The following TWF2 variants were observed in gnomAD, a reference collection of about 807,000 sequenced individuals.
TWF2 encodes twinfilin-2.
In TWF2, 15 loss-of-function variants were observed where a neutral mutation model predicts 45.1. The observed-to-expected ratio is 0.33, with a 90% CI of 0.22 to 0.51. The LOEUF is 0.51. TWF2 is among the 20% of genes least tolerant of loss of function. TWF2 has a pLI of 0.97. For missense variants in TWF2, 423 were observed against 469.1 expected (o/e 0.90, Z 0.91); for synonymous variants, 177 against 195.8 (o/e 0.90, Z 0.80).
intron 1 of TWF2, among the ~76,000 whole-genome samples, chr3:52,238,367 G>C (rs1158343997): frequency 6.6e-6 from 1 of 152,194 alleles, no homozygotes; most frequent in South Asian, 2.1e-4. Context: ...CCTGGGGAGA[G>C]TGAGTGTCCT....
At chr3:52,229,588 A>G in intron 8 of TWF2, 73 bp downstream of exon 8, 3 of 1,579,052 alleles carry the variant, frequency 1.9e-6, no homozygotes, top group Non-Finnish European at 2.6e-6. Context: ...CCGTCATCTC[A>G]GGACCCCAGC....
intron 1 of TWF2, among the ~76,000 whole-genome samples, chr3:52,236,226 G>A (rs1233643078): frequency 6.6e-6 from 1 of 151,788 alleles, no homozygotes; most frequent in African/African-American, 2.4e-5. Flanking sequence ...GCTTGAACCC[G>A]GGAGGCGGAG....
At chr3:52,238,674 C>A (rs1699750322) in intron 1 of TWF2, among the ~76,000 whole-genome samples, 1 of 152,144 alleles carries the variant, frequency 6.6e-6, no homozygotes, top group Admixed American at 6.5e-5. Flanking sequence ...ACACGGAAGA[C>A]GTGTGCACAT....
intron 6 of TWF2, among the ~76,000 whole-genome samples, chr3:52,230,498 G>C (rs564996753): frequency 1.3e-5 from 2 of 152,324 alleles, no homozygotes; most frequent in East Asian, 3.9e-4. Flanking sequence ...CTAGGGAAAC[G>C]GGGTGGTCAA....
chr3:52,229,263 T>C, intron 8 of TWF2, 62 bp from the exon 9 acceptor site: 1 of 1,581,436 alleles, frequency 6.3e-7, no homozygotes, highest in Non-Finnish European at 8.6e-7. Context: ...CCACCCCTGG[T>C]AGCCCCCACT....
At chr3:52,231,806 C>T (rs1231807527) in intron 3 of TWF2, 138 bp downstream of exon 3, 14 of 1,311,748 alleles carry the variant, frequency 1.1e-5, no homozygotes, top group Non-Finnish European at 1.5e-5. Flanking sequence ...TCTCAGACTC[C>T]CTAGGGCACG....
chr3:52,229,564 C>A (rs1038691351), intron 8 of TWF2, 97 bp downstream of exon 8: 2 of 1,540,282 alleles, frequency 1.3e-6, no homozygotes, highest in Non-Finnish European at 1.8e-6. Context: ...ACGACAGCAA[C>A]GATTCCTGCT....
intron 1 of TWF2, among the ~76,000 whole-genome samples, chr3:52,237,858 G>A (rs1438735113): frequency 6.6e-6 from 1 of 152,232 alleles, no homozygotes; most frequent in African/African-American, 2.4e-5. Flanking sequence ...CAGGCAGGTC[G>A]ATGGTGGCAG....
intron 5 of TWF2, 46 bp downstream of exon 5, chr3:52,231,081 A>G: frequency 3.7e-6 from 6 of 1,612,956 alleles, no homozygotes; most frequent in Non-Finnish European, 4.2e-6. Flanking sequence ...CACTGGGCCG[A>G]TATGACCCTG....
At chr3:52,236,303 G>GA (rs752685538) in intron 1 of TWF2, among the ~76,000 whole-genome samples, 1,577 of 105,438 alleles carry the variant, frequency 0.015, 11 homozygotes, top group South Asian at 0.02. Context: ...CTCCGCCTCA[G>GA]AAAAAAAAAA....
intron 6 of TWF2, 71 bp downstream of exon 6, chr3:52,230,799 C>T: frequency 6.4e-7 from 1 of 1,552,250 alleles, no homozygotes; most frequent in South Asian, 1.2e-5. Context: ...ACTCCATGTA[C>T]ATCTGCACAT....
chr3:52,229,075 G>A lies in TWF2; in HGVS notation c.1009C>T (p.Arg337Cys), dbSNP rs1559439902. 1.9e-6 allele frequency: 3 copies of A among 1,612,874 alleles called. No individual in the cohort carries two copies. Among genetic ancestry groups the A allele is most frequent in the Admixed American group, 1.7e-5 (1 of 60,016 alleles). The change falls in exon 9 of 9, where the codon CGC becomes TGC. Residue 337 changes from arginine (R) to cysteine (C), a missense_variant. By Grantham distance (180) the Arg-to-Cys change is radical. Coordinates refer to ENST00000305533, the MANE Select transcript of TWF2 (RefSeq NM_007284.4). The stretch of plus-strand genomic sequence containing the variant: ...TTTTCACCCGGGCCGCGGATGAGGC[G>A]CTTATGGCCCCGCTTGCCCCCTGGG... Reference protein sequence around the residue: ...KGPGGKRGHKRLIRGPGENGD... With the variant: ...KGPGGKRGHKCLIRGPGENGD...
intron 1 of TWF2, 81 bp from the exon 2 acceptor site, chr3:52,235,187 G>T (rs1559442213): frequency 2.8e-6 from 4 of 1,435,034 alleles, no homozygotes; most frequent in Non-Finnish European, 3.9e-6. Context: ...GTCCCACAGG[G>T]TCTGGTGGCT....
In TWF2 at chr3:52,228,905, G is replaced by A. The variant is rs1699650514; in HGVS notation, c.*129C>T. ...GCCCGGTGGCCCTCGGACGCTGCAAGTGCGTTCAGCTGCCAGCCCTCCTGA... is the reference window on the plus strand; with the variant it reads ...GCCCGGTGGCCCTCGGACGCTGCAAATGCGTTCAGCTGCCAGCCCTCCTGA... On this transcript the variant is annotated 3_prime_UTR_variant, in exon 9 of 9. Coordinates refer to ENST00000305533, the MANE Select transcript of TWF2 (RefSeq NM_007284.4). 2 of 1,402,550 alleles carry A rather than the reference G, an allele frequency of 1.4e-6. No individual in the cohort carries two copies. Among genetic ancestry groups the A allele is most frequent in the Non-Finnish European group, 1.9e-6 (2 of 1,047,646 alleles). The allele number at this position is 1,402,550 out of a possible 1,614,324, so 86.9% of individuals were successfully genotyped here.
chr3:52,231,207 G>A lies in TWF2; in HGVS notation c.403C>T (p.Gln135Ter), dbSNP rs994125870. The A allele has an allele frequency of 6.2e-7, 1 of 1,613,936 alleles. No individual in the cohort carries two copies. Among genetic ancestry groups the A allele is most frequent in the African/African-American group, 1.3e-5 (1 of 74,890 alleles). ...VKDDLSFAGY[Q>*]KHLSSCAAPA... ...GCCGCACAGGACGACAGGTGTTTCT[G>A]GTACCCAGCAAAAGAGAGGTCATCC... Residue 135 changes from glutamine to a stop codon, truncating the protein, a stop_gained, in exon 5 of 9, where the codon CAG becomes TAG. Coordinates refer to ENST00000305533, the MANE Select transcript of TWF2 (RefSeq NM_007284.4). LOFTEE classifies it high-confidence loss of function.
At chr3:52,235,963 G>T (rs1699721983) in intron 1 of TWF2, among the ~76,000 whole-genome samples, 1 of 152,080 alleles carries the variant, frequency 6.6e-6, no homozygotes, top group Non-Finnish European at 1.5e-5. Flanking sequence ...CAGGCAGTTG[G>T]GGCAGCTTCC....
chr3:52,231,340 C>T, intron 4 of TWF2, 104 bp downstream of exon 4: 1 of 1,570,698 alleles, frequency 6.4e-7, no homozygotes, highest in Admixed American at 1.7e-5. Flanking sequence ...CCAGCGCCCC[C>T]ATCTTCCTCC....
chr3:52,230,385 A>G (rs1353986000), intron 6 of TWF2, among the ~76,000 whole-genome samples: 1 of 152,232 alleles, frequency 6.6e-6, no homozygotes, highest in South Asian at 2.1e-4. Flanking sequence ...CCACTGGGCC[A>G]GCCCATCCTC....
At chr3:52,229,609 G>C in intron 8 of TWF2, 52 bp downstream of exon 8, 1 of 1,598,034 alleles carries the variant, frequency 6.3e-7, no homozygotes, top group East Asian at 2.2e-5. Flanking sequence ...GCCCCACATG[G>C]AGATTGGAGT....
Sources: allele counts gnomAD v4.1 joint callset (sites outside exome capture counted in the v4.1 genomes callset), GRCh38; gene constraint gnomAD v4.1.1; transcripts MANE v1.5; gene names NCBI Gene and HGNC (gene_info 2026-07-23, HGNC 2026-07-21).